ANKFY1: variants seen among roughly 807,000 people sequenced by gnomAD.
ANKFY1 encodes ankyrin repeat and FYVE domain-containing protein 1.
In ANKFY1, 47 loss-of-function variants were observed where a neutral mutation model predicts 128.3. That is an observed-to-expected ratio of 0.37 (90% confidence interval 0.29 to 0.47). The LOEUF is 0.47. Among genes scored for constraint, ANKFY1 ranks in the 20% least tolerant of loss-of-function variants. The pLI, the probability that ANKFY1 is intolerant of heterozygous loss-of-function variation, is 1.00. For missense variants in ANKFY1, 1,222 were observed against 1,510.6 expected, an observed-to-expected ratio of 0.81 and a Z score of 3.17; for synonymous variants, 553 against 601.6, an observed-to-expected ratio of 0.92 and a Z score of 1.18.
chr17:4,231,065 A>G (rs1328233644), intron 3 of ANKFY1, among the ~76,000 whole-genome samples: 3 of 152,200 alleles, frequency 2.0e-5, no homozygotes, highest in African/African-American at 7.2e-5. Flanking sequence ...AATCTGTAAT[A>G]CTTCCTAAAC....
At position 4,163,916 on chromosome 17, in the gene ANKFY1, A is replaced by T. The variant is rs936197478; in HGVS notation, c.*3863T>A. 6.5e-6 allele frequency: 1 copy of T among 152,692 alleles called. No individual in the cohort carries two copies. 9.5% of individuals were successfully genotyped at this position (152,692 alleles called of 1,614,324 possible). ...GTTTCCACTTTAAATGCACAATTTT[A>T]CTTCATTTTATTATAAGGAATTGTT... On this transcript the variant is annotated 3_prime_UTR_variant, in exon 25 of 25. Coordinates refer to ENST00000341657, the MANE Select transcript of ANKFY1 (RefSeq NM_001330063.2).
chr17:4,183,862 C>G lies in ANKFY1; in HGVS notation c.1748G>C (p.Ser583Thr). ...AGTCTGGTCTCGGGAATCTTTGAGG[C>G]TGAAGTCCGGAATGATCTGCAAGTT... ...TNNLQIIPDF[S>T]LKDSRDQTVL... The change falls in exon 13 of 25, where the codon AGC becomes ACC. Residue 583 changes from serine (S) to threonine (T), a missense_variant. Physicochemically the swap from Ser to Thr is moderately conservative, Grantham distance 58 (BLOSUM62 1). Transcript: ENST00000341657. 6.2e-7 allele frequency: 1 copy of G among 1,614,114 alleles called. No homozygotes were observed. The highest frequency in any genetic ancestry group is 8.5e-7 in the Non-Finnish European group (1 of 1,179,954).
chr17:4,222,597 CAACTT>C, intron 3 of ANKFY1: 3 of 1,236,888 alleles, frequency 2.4e-6, no homozygotes, highest in Non-Finnish European at 3.5e-6. Context: ...TAATGCAGCT[CAACTT>C]GACAGTCAAT....
rs370419757 is a variant in ANKFY1 at position 4,248,179 on chromosome 17, G to A, written c.11-5731C>T. On this transcript the variant is annotated intron_variant, in intron 1 of 24. Coordinates refer to ENST00000341657, the MANE Select transcript of ANKFY1 (RefSeq NM_001330063.2). ...TGTCCCCGACCTCCAGGCCGTGGAC[G>A]GGTACTAGTTTGTGGCATGTTAGGA... Among the ~76,000 whole-genome samples, 6 of 152,288 alleles carry A rather than the reference G, an allele frequency of 3.9e-5. No individual in the cohort carries two copies. The East Asian group carries it at 5.8e-4, about 15-fold the overall frequency.
chr17:4,257,200 G>A (rs569553653), intron 1 of ANKFY1, among the ~76,000 whole-genome samples: 1 of 152,088 alleles, frequency 6.6e-6, no homozygotes, highest in African/African-American at 2.4e-5. Flanking sequence ...TCTTTCATAC[G>A]TTCTGTGGTC....
At chr17:4,205,156 A>C (rs2059999150) in intron 7 of ANKFY1, among the ~76,000 whole-genome samples, 1 of 152,230 alleles carries the variant, frequency 6.6e-6, no homozygotes, top group African/African-American at 2.4e-5. Context: ...AGATGGAACG[A>C]AACAAGTAGA....
chr17:4,228,030 GC>G (rs1380061982), intron 3 of ANKFY1, among the ~76,000 whole-genome samples: 1 of 151,978 alleles, frequency 6.6e-6, no homozygotes, highest in Non-Finnish European at 1.5e-5. Flanking sequence ...CTACACAAAG[GC>G]CTTACACAAC....
At position 4,242,407 on chromosome 17, in the gene ANKFY1, G is replaced by A; in HGVS notation, c.52C>T (p.Gln18Ter). 1 of 1,582,108 alleles carries A rather than the reference G, an allele frequency of 6.3e-7. No homozygotes were observed. Among genetic ancestry groups the A allele is most frequent in the Non-Finnish European group, 8.6e-7 (1 of 1,167,276 alleles). ...KLEKHLMLLR[Q>*]EYVKLQKKLA... ...TTCTTCTGCAGCTTGACATACTCCT[G>A]CCGCAGAAGCATCAAGTGCTTCTCC... The change falls in exon 2 of 25, where the codon CAG becomes TAG. Residue 18 changes from glutamine to a stop codon, truncating the protein, a stop_gained. Transcript: ENST00000341657. LOFTEE classifies it high-confidence loss of function.
chr17:4,263,927 C>T lies in ANKFY1; in HGVS notation c.10+5G>A. 2 of 1,613,964 alleles carry T rather than the reference C, an allele frequency of 1.2e-6. No individual in the cohort carries two copies. The highest frequency in any genetic ancestry group is 1.7e-6 in the Non-Finnish European group (2 of 1,179,920). ...TTCCCGCGCGGCTCCACAAAAAAACCCTACCTTCCGCCATGTCTGGCCCGG... is the reference window on the plus strand; with the variant it reads ...TTCCCGCGCGGCTCCACAAAAAAACTCTACCTTCCGCCATGTCTGGCCCGG... On this transcript the variant is annotated splice_donor_5th_base_variant and intron_variant, in intron 1 of 24. Coordinates refer to ENST00000341657, the MANE Select transcript of ANKFY1 (RefSeq NM_001330063.2).
At position 4,167,683 on chromosome 17, in the gene ANKFY1, C is replaced by T; in HGVS notation, c.*96G>A. The T allele has an allele frequency of 7.7e-7, 1 of 1,301,782 alleles. No homozygotes were observed. The highest frequency in any genetic ancestry group is 1.0e-6 in the Non-Finnish European group (1 of 972,352). 80.6% of individuals were successfully genotyped at this position (1,301,782 alleles called of 1,614,324 possible). On this transcript the variant is annotated 3_prime_UTR_variant, in exon 25 of 25. Transcript: ENST00000341657. This position sits in a 1 kb window ranked among gnomAD's most constrained non-coding sequence, Gnocchi z 4.1. ...TCCAGTCTATTGCCGCAGGAAGACA[C>T]CCGCCAGCTCCTGCTCTGGGTGGGG...
intron 7 of ANKFY1, among the ~76,000 whole-genome samples, chr17:4,201,623 G>A (rs983657236): frequency 9.9e-5 from 15 of 152,014 alleles, no homozygotes; most frequent in Non-Finnish European, 1.8e-4. Flanking sequence ...AATGAATCAT[G>A]ACTTCAGGTA....
chr17:4,210,292 C>A (rs2060102164), intron 4 of ANKFY1, among the ~76,000 whole-genome samples: 1 of 152,214 alleles, frequency 6.6e-6, no homozygotes, highest in Admixed American at 6.5e-5. Flanking sequence ...CAACCTCTGT[C>A]CTTCAAAGAA....
At chr17:4,256,107 C>T (rs774307874) in intron 1 of ANKFY1, among the ~76,000 whole-genome samples, 17 of 151,930 alleles carry the variant, frequency 1.1e-4, no homozygotes, top group African/African-American at 2.9e-4. Flanking sequence ...TGAGGCACCA[C>T]GCCCAGCCCA....
In ANKFY1 at chr17:4,183,394, C is replaced by T. The variant is rs376148612; in HGVS notation, c.1952+4G>A. The T allele has an allele frequency of 2.4e-5, 39 of 1,613,126 alleles. No individual in the cohort carries two copies. The African/African-American group carries it at 4.8e-4, about 20-fold the overall frequency. On this transcript the variant is annotated splice_donor_region_variant and intron_variant, in intron 14 of 24. Coordinates refer to ENST00000341657, the MANE Select transcript of ANKFY1 (RefSeq NM_001330063.2). ...GTTAGGTGGAGAGAGCGGCTTCCTCCTACCTGACATTTATATCTGCCTGGT... is the reference window on the plus strand; with the variant it reads ...GTTAGGTGGAGAGAGCGGCTTCCTCTTACCTGACATTTATATCTGCCTGGT...
At chr17:4,226,763 C>G (rs1279650377) in intron 3 of ANKFY1, among the ~76,000 whole-genome samples, 2 of 145,896 alleles carry the variant, frequency 1.4e-5, no homozygotes, top group Non-Finnish European at 3.0e-5. Context: ...AAAAAGAAAT[C>G]AATAAAATAG....
rs1567916974 is a variant in ANKFY1 at position 4,182,174 on chromosome 17, G to A, written c.2121+7C>T. On this transcript the variant is annotated splice_region_variant and intron_variant, in intron 15 of 24. Coordinates refer to ENST00000341657, the MANE Select transcript of ANKFY1 (RefSeq NM_001330063.2). ...GTAAACAGAGGCTAACGTTGTGCCT[G>A]TCTCACCAGAGTGGATGCGATGTCC... 6 of 1,493,966 alleles carry A rather than the reference G, an allele frequency of 4.0e-6. No homozygotes were observed. Among genetic ancestry groups the A allele is most frequent in the South Asian group, 1.4e-5 (1 of 70,054 alleles). The allele number at this position is 1,493,966 out of a possible 1,614,324, so 92.5% of individuals were successfully genotyped here. A position where few individuals can be genotyped will look rare whatever the true frequency, so the allele number is the denominator to read the frequency against.
intron 4 of ANKFY1, among the ~76,000 whole-genome samples, chr17:4,213,401 G>T (rs2060169939): frequency 6.6e-6 from 1 of 151,764 alleles, no homozygotes; most frequent in Non-Finnish European, 1.5e-5. Flanking sequence ...TGGCAGACTG[G>T]GTGCTTTGTT....
chr17:4,198,310 A>G (rs1049099101), intron 7 of ANKFY1, among the ~76,000 whole-genome samples: 2 of 151,874 alleles, frequency 1.3e-5, no homozygotes, highest in Admixed American at 1.3e-4. Flanking sequence ...CTGTACTTGC[A>G]TTCACGTTCC....
chr17:4,252,170 G>C (rs1000232180), intron 1 of ANKFY1, among the ~76,000 whole-genome samples: 7 of 152,014 alleles, frequency 4.6e-5, no homozygotes, highest in Non-Finnish European at 1.0e-4. Context: ...ATAAGCACAT[G>C]AAAAGATGTG....
Sources: allele counts gnomAD v4.1 joint callset (sites outside exome capture counted in the v4.1 genomes callset), GRCh38; gene constraint gnomAD v4.1.1; non-coding constraint Gnocchi (gnomAD v3.1); transcripts MANE v1.5; gene names NCBI Gene and HGNC (gene_info 2026-07-23, HGNC 2026-07-21).